ZFP1: variants seen among roughly 807,000 people sequenced by gnomAD.
The protein encoded by ZFP1 is ZFP1 zinc finger protein.
A neutral mutation model predicts 38.5 loss-of-function variants in ZFP1; 32 were observed. The ratio of observed to expected loss-of-function variants is 0.83; its 90% confidence interval spans 0.63 to 1.12. The LOEUF is 1.12. Ranked by LOEUF, ZFP1 falls within the 50% of genes most tolerant of loss-of-function variation. The pLI, the probability that ZFP1 is intolerant of heterozygous loss-of-function variation, is 0.00. For synonymous variants in ZFP1, 245 were observed against 168.8 expected, an observed-to-expected ratio of 1.45 and a Z score of -3.50; for missense variants, 616 against 480.8, an observed-to-expected ratio of 1.28 and a Z score of -2.63.
Position 75,166,451 on chromosome 16 carries a change from C to G in ZFP1, c.16-319C>G, listed in dbSNP as rs137974886. The G allele has an allele frequency of 5.0e-4, 349 of 699,144 alleles. 2 individuals are homozygous for G. Among genetic ancestry groups the G allele is most frequent in the Non-Finnish European group, 5.7e-4 (327 of 569,750 alleles). The allele number at this position is 699,144 out of a possible 1,614,324, so 43.3% of individuals were successfully genotyped here. ...ATGTTGTCCAGGCTGGTCTCGAACT[C>G]CCGACCTCAAGTGATTCCCCCGCCC... On this transcript the variant is annotated intron_variant, in intron 2 of 3. Transcript: ENST00000570010.
intron 2 of ZFP1, among the ~76,000 whole-genome samples, chr16:75,159,403 C>G: frequency 1.7e-5 from 1 of 60,002 alleles, no homozygotes; most frequent in East Asian, 5.0e-4. Context: ...CTCTCTCTCA[C>G]TTTTCATTTT....
At position 75,171,796 on chromosome 16, in the gene ZFP1, CTAAGT is replaced by C. The variant is rs1191891463; in HGVS notation, c.*1464_*1468del. On this transcript the variant is annotated 3_prime_UTR_variant, in exon 4 of 4. Coordinates refer to ENST00000570010, the MANE Select transcript of ZFP1 (RefSeq NM_153688.4). ...CATCCATAGCCCAATAAGCTTTTGTCTAAGTTGTCATCTTACTTACTCACAAAGGA... is the reference window on the plus strand; with the variant it reads ...CATCCATAGCCCAATAAGCTTTTGTCTGTCATCTTACTTACTCACAAAGGA... The C allele has an allele frequency of 2.0e-5, 3 of 152,162 alleles. No homozygotes were observed. Among genetic ancestry groups the C allele is most frequent in the African/African-American group, 7.2e-5 (3 of 41,456 alleles). 9.4% of individuals were successfully genotyped at this position (152,162 alleles called of 1,614,324 possible).
upstream of ZFP1, among the ~76,000 whole-genome samples, chr16:75,144,532 A>C (rs12716781): frequency 6.6e-6 from 1 of 152,038 alleles, no homozygotes; most frequent in Non-Finnish European, 1.5e-5. Flanking sequence ...CCATAAGATT[A>C]TAGGTTATGG....
chr16:75,126,025 G>A, the ZFP1 span, among the ~76,000 whole-genome samples: 1 of 143,354 alleles, frequency 7.0e-6, no homozygotes, highest in African/African-American at 2.6e-5. Context: ...ACTCCAGCCT[G>A]GGCAACAGAG....
intron 1 of ZFP1, among the ~76,000 whole-genome samples, chr16:75,151,070 G>C (rs1283937712): frequency 6.6e-6 from 1 of 151,762 alleles, no homozygotes; most frequent in African/African-American, 2.4e-5. Flanking sequence ...TGTTGCCCAG[G>C]CTGGTCTCAA....
the ZFP1 span, chr16:75,119,461 T>C: frequency 6.6e-6 from 1 of 152,104 alleles, no homozygotes; most frequent in African/African-American, 2.4e-5. Flanking sequence ...CCTGCTTCCA[T>C]GTTGATGGAA....
chr16:75,168,671 T>G (rs146039545), intron 3 of ZFP1, among the ~76,000 whole-genome samples: 15 of 152,326 alleles, frequency 9.8e-5, no homozygotes, highest in African/African-American at 3.4e-4. Flanking sequence ...TTTGGAGCTC[T>G]GCTATCTGGT....
Position 75,152,900 on chromosome 16 carries a change from CTA to C in ZFP1, c.-43-7_-43-6del. The C allele has an allele frequency of 6.2e-7, 1 of 1,609,318 alleles. No individual in the cohort carries two copies. The highest frequency in any genetic ancestry group is 8.5e-7 in the Non-Finnish European group (1 of 1,178,242). On this transcript the variant is annotated splice_region_variant and splice_polypyrimidine_tract_variant and intron_variant, in intron 1 of 3. Transcript: ENST00000570010. ...TAATAACAATGCCTTCCTTTTTCCTCTATTCCAGTTCTGCCTTCATAGTTCTC... is the reference window on the plus strand; with the variant it reads ...TAATAACAATGCCTTCCTTTTTCCTCTTCCAGTTCTGCCTTCATAGTTCTC...
intron 2 of ZFP1, among the ~76,000 whole-genome samples, chr16:75,155,897 T>G (rs936789668): frequency 6.6e-6 from 1 of 152,242 alleles, no homozygotes; most frequent in African/African-American, 2.4e-5. Context: ...TAATATTGCC[T>G]TGGTTTGCAT....
At chr16:75,148,335 A>C (rs2036983980), upstream of ZFP1, among the ~76,000 whole-genome samples, 1 of 152,146 alleles carries the variant, frequency 6.6e-6, no homozygotes, top group South Asian at 2.1e-4. Context: ...GGCTAAGGAG[A>C]TTATTTTGGT....
intron 1 of ZFP1, among the ~76,000 whole-genome samples, chr16:75,150,535 A>G (rs900050453): frequency 1.4e-4 from 22 of 152,070 alleles, no homozygotes; most frequent in South Asian, 8.3e-4. Context: ...TTTTTATATT[A>G]TTGATTTATA....
At chr16:75,120,852 C>T in the ZFP1 span, among the ~76,000 whole-genome samples, 1 of 152,004 alleles carries the variant, frequency 6.6e-6, no homozygotes, top group African/African-American at 2.4e-5. Context: ...GTCTCGATCT[C>T]CTGACCTCAT....
chr16:75,136,027 G>C, the ZFP1 span, among the ~76,000 whole-genome samples: 1 of 152,144 alleles, frequency 6.6e-6, no homozygotes, highest in Non-Finnish European at 1.5e-5. Context: ...TGTTGGCCAG[G>C]CTAGTCTCGA....
At chr16:75,144,147 C>G (rs1324636015), upstream of ZFP1, 1 of 152,150 alleles carries the variant, frequency 6.6e-6, no homozygotes, top group Non-Finnish European at 1.5e-5. Flanking sequence ...AAGTACAGCC[C>G]ACACACGTGG....
chr16:75,150,850 G>C (rs34823361), intron 1 of ZFP1, among the ~76,000 whole-genome samples: 118,773 of 151,770 alleles, frequency 0.78, 47,630 homozygotes, highest in Non-Finnish European at 0.87. Flanking sequence ...ATTGAGACAG[G>C]GTCTGTCTCT....
intron 2 of ZFP1, among the ~76,000 whole-genome samples, chr16:75,163,301 T>G (rs190666386): frequency 1.1e-3 from 172 of 152,048 alleles, no homozygotes; most frequent in African/African-American, 3.8e-3. Flanking sequence ...ATTGTTGTTT[T>G]TTTTGTTTTG....
the ZFP1 span, among the ~76,000 whole-genome samples, chr16:75,126,954 T>C: frequency 2.0e-5 from 3 of 152,362 alleles, no homozygotes; most frequent in African/African-American, 7.2e-5. Context: ...TTGGGCTGTA[T>C]TCCTATAAAT....
intron 2 of ZFP1, among the ~76,000 whole-genome samples, chr16:75,156,101 G>A (rs56256267): frequency 0.011 from 1,693 of 152,272 alleles, 23 homozygotes; most frequent in Non-Finnish European, 0.015. Flanking sequence ...GCCTTACTGG[G>A]AGCAATGTGG....
intron 2 of ZFP1, among the ~76,000 whole-genome samples, chr16:75,163,875 G>C (rs1174279703): frequency 6.6e-6 from 1 of 152,146 alleles, no homozygotes; most frequent in Non-Finnish European, 1.5e-5. Context: ...CCTCCCAAAT[G>C]CTGGGATTAC....
Sources: allele counts gnomAD v4.1 joint callset (sites outside exome capture counted in the v4.1 genomes callset), GRCh38; gene constraint gnomAD v4.1.1; transcripts MANE v1.5; gene names NCBI Gene and HGNC (gene_info 2026-07-23, HGNC 2026-07-21).